Variants in NUP155 observed in about 807,000 individuals in gnomAD.
NUP155 encodes the protein nucleoporin 155, also known as nuclear pore complex protein Nup155.
In NUP155, 71 loss-of-function variants were observed where a neutral mutation model predicts 180.4. The observed-to-expected ratio is 0.39, with a 90% CI of 0.33 to 0.48. NUP155 has a LOEUF of 0.48. NUP155 is among the 20% of genes least tolerant of loss of function. The probability of loss-of-function intolerance (pLI) is 0.91; values close to 1 mark genes in which losing one functional copy is unlikely to be tolerated. For synonymous variants in NUP155, 582 were observed against 559.5 expected (o/e 1.04, Z -0.57); for missense variants, 1,553 against 1,648.9 (o/e 0.94, Z 1.01).
chr5:37,335,919 T>G (rs891438861), intron 12 of NUP155, among the ~76,000 whole-genome samples: 1 of 152,080 alleles, frequency 6.6e-6, no homozygotes, highest in African/African-American at 2.4e-5. Context: ...GAGCTCTGAT[T>G]GTGCCACTGT....
intron 11 of NUP155, among the ~76,000 whole-genome samples, chr5:37,339,661 A>T (rs915083060): frequency 6.6e-6 from 1 of 152,172 alleles, no homozygotes; most frequent in Admixed American, 6.5e-5. Flanking sequence ...AATATTCTGT[A>T]TTCATGGATT....
chr5:37,324,829 C>A (rs933250043), intron 19 of NUP155, among the ~76,000 whole-genome samples: 18 of 152,230 alleles, frequency 1.2e-4, no homozygotes, highest in African/African-American at 4.3e-4. Flanking sequence ...GGCCACTGTG[C>A]CCAACTCATG....
intron 9 of NUP155, among the ~76,000 whole-genome samples, chr5:37,342,852 T>C (rs1288510526): frequency 2.0e-5 from 3 of 152,140 alleles, no homozygotes; most frequent in Non-Finnish European, 2.9e-5. Context: ...TTCTCCTGCC[T>C]CAGCCTCCTG....
At chr5:37,301,578 T>G (rs1484201289) in intron 29 of NUP155, 28 bp from the exon 30 acceptor site, 1 of 1,289,114 alleles carries the variant, frequency 7.8e-7, no homozygotes, top group African/African-American at 1.5e-5. Flanking sequence ...CAGGATGTCT[T>G]AATTTATTTA....
intron 12 of NUP155, among the ~76,000 whole-genome samples, chr5:37,334,790 C>G (rs995296653): frequency 6.6e-6 from 1 of 152,188 alleles, no homozygotes; most frequent in Non-Finnish European, 1.5e-5. Flanking sequence ...AATTATAATT[C>G]TCTTAACCAA....
At chr5:37,337,251 G>A (rs1373881393) in intron 12 of NUP155, among the ~76,000 whole-genome samples, 5 of 152,082 alleles carry the variant, frequency 3.3e-5, no homozygotes, top group Non-Finnish European at 7.4e-5. Context: ...AAAACTGTGT[G>A]TTTGTGGGTG....
chr5:37,350,362 T>C lies in NUP155; in HGVS notation c.724-97A>G, dbSNP rs566534041. Reference sequence around the variant, plus strand: ...ATTTATAAAAACCTTCAAATCTTCATGAAATACCAGTTATAATCACTAATA... The same window carrying C: ...ATTTATAAAAACCTTCAAATCTTCACGAAATACCAGTTATAATCACTAATA... On this transcript the variant is annotated intron_variant, in intron 6 of 34. Coordinates refer to ENST00000231498, the MANE Select transcript of NUP155 (RefSeq NM_153485.3). 380 of 786,176 alleles carry C rather than the reference T, an allele frequency of 4.8e-4. No individual in the cohort carries two copies. The African/African-American group carries it at 5.7e-3, about 12-fold the overall frequency. The allele number at this position is 786,176 out of a possible 1,614,324, so 48.7% of individuals were successfully genotyped here. A position where few individuals can be genotyped will look rare whatever the true frequency, so the allele number is the denominator to read the frequency against.
chr5:37,341,303 T>A, intron 10 of NUP155, 61 bp from the exon 11 acceptor site: 1 of 1,376,706 alleles, frequency 7.3e-7, no homozygotes, highest in Non-Finnish European at 1.0e-6. Flanking sequence ...GTAAATGTGT[T>A]ATTGAAGCAA....
intron 13 of NUP155, among the ~76,000 whole-genome samples, chr5:37,332,650 T>C (rs1745055263): frequency 6.6e-6 from 1 of 152,082 alleles, no homozygotes; most frequent in Admixed American, 6.6e-5. Flanking sequence ...AGTGGAAGCT[T>C]TTCAACTATG....
intron 9 of NUP155, among the ~76,000 whole-genome samples, chr5:37,346,932 A>G (rs1746129808): frequency 6.6e-6 from 1 of 152,080 alleles, no homozygotes; most frequent in Admixed American, 6.6e-5. Context: ...ATGTCTGTTA[A>G]AAGAGTGAGT....
intron 12 of NUP155, among the ~76,000 whole-genome samples, chr5:37,335,380 G>GA (rs5867345): frequency 0.054 from 6,341 of 116,532 alleles, 202 homozygotes; most frequent in African/African-American, 0.083. Flanking sequence ...CCCTGTCTCA[G>GA]AAAAAAAAAA....
At chr5:37,318,991 C>T (rs217796) in intron 20 of NUP155, among the ~76,000 whole-genome samples, 4,374 of 152,212 alleles carry the variant, frequency 0.029, 223 homozygotes, top group African/African-American at 0.099. Flanking sequence ...ATCTTAAAAT[C>T]CCACATTCAT....
intron 4 of NUP155, among the ~76,000 whole-genome samples, chr5:37,357,621 T>C (rs1466805296): frequency 2.0e-5 from 3 of 152,102 alleles, no homozygotes; most frequent in Admixed American, 6.6e-5. Flanking sequence ...AAGTAAACAG[T>C]TAAACATTAA....
chr5:37,319,966 T>G (rs1744138098), intron 20 of NUP155, among the ~76,000 whole-genome samples: 3 of 151,592 alleles, frequency 2.0e-5, no homozygotes, highest in Admixed American at 6.6e-5. Context: ...GAGCATAACT[T>G]GAGGCCAAGA....
At chr5:37,312,940 TAC>T (rs950161027) in intron 22 of NUP155, among the ~76,000 whole-genome samples, 1 of 152,176 alleles carries the variant, frequency 6.6e-6, no homozygotes, top group Non-Finnish European at 1.5e-5. Context: ...ATATGGGAGT[TAC>T]AGTTTTTGCT....
Position 37,348,595 on chromosome 5 carries a change from A to G in NUP155, c.905T>C (p.Val302Ala). The G allele has an allele frequency of 6.4e-7, 1 of 1,574,280 alleles. No individual in the cohort carries two copies. The highest frequency in any genetic ancestry group is 8.7e-7 in the Non-Finnish European group (1 of 1,143,642). ...TTGTCCATCTTGTCCCAAATCATAC[A>G]CCTGTGAATACAAAATCATTCTCAC... The part of the protein sequence containing the change: ...YTRSEKGVIQ[V>A]YDLGQDGQGM... Residue 302 changes from valine to alanine, a missense_variant and splice_region_variant, in exon 9 of 35, where the codon GTG (valine) becomes GCG (alanine). By Grantham distance (64) the Val-to-Ala change is moderately conservative. Coordinates refer to ENST00000231498, the MANE Select transcript of NUP155 (RefSeq NM_153485.3).
intron 9 of NUP155, among the ~76,000 whole-genome samples, chr5:37,344,022 C>T (rs1745915685): frequency 6.6e-6 from 1 of 152,086 alleles, no homozygotes; most frequent in South Asian, 2.1e-4. Flanking sequence ...AGACATTTCA[C>T]ACTGCCTATG....
At chr5:37,357,611 A>C (rs1321580142) in intron 4 of NUP155, among the ~76,000 whole-genome samples, 1 of 152,126 alleles carries the variant, frequency 6.6e-6, no homozygotes, top group Non-Finnish European at 1.5e-5. Flanking sequence ...TATACCATTA[A>C]AGTAAACAGT....
At chr5:37,340,184 T>C (rs1270399071) in intron 11 of NUP155, among the ~76,000 whole-genome samples, 1 of 152,166 alleles carries the variant, frequency 6.6e-6, no homozygotes, top group African/African-American at 2.4e-5. Context: ...CTCATGCCTG[T>C]AATCCCAGCA....
Sources: allele counts gnomAD v4.1 joint callset (sites outside exome capture counted in the v4.1 genomes callset), GRCh38; gene constraint gnomAD v4.1.1; transcripts MANE v1.5; gene names NCBI Gene and HGNC (gene_info 2026-07-23, HGNC 2026-07-21).